The following TTBK2 variants were observed in gnomAD, a reference collection of about 807,000 sequenced individuals.
TTBK2 encodes tau-tubulin kinase 2.
TTBK2 carries 28 observed loss-of-function variants against 110.8 expected under a neutral mutation model. The ratio of observed to expected loss-of-function variants is 0.25; its 90% confidence interval spans 0.19 to 0.35. The LOEUF is 0.35. Ranked by LOEUF, TTBK2 falls within the 10% of genes least tolerant of loss-of-function variation. The probability of loss-of-function intolerance (pLI) is 1.00; values close to 1 mark genes in which losing one functional copy is unlikely to be tolerated. For missense variants in TTBK2, 1,369 were observed against 1,500.3 expected, an observed-to-expected ratio of 0.91 and a Z score of 1.45; for synonymous variants, 532 against 527.3, an observed-to-expected ratio of 1.01 and a Z score of -0.12.
At position 42,850,297 on chromosome 15, in the gene TTBK2, C is replaced by T. The variant is rs141712859; in HGVS notation, c.218-9864G>A. Reference sequence around the variant, plus strand: ...TGAGTCAGAACTAGAAGACTTCTCTCGACGCATTTTCTGTCCATGTCAATG... The same window carrying T: ...TGAGTCAGAACTAGAAGACTTCTCTTGACGCATTTTCTGTCCATGTCAATG... On this transcript the variant is annotated intron_variant, in intron 3 of 14. Transcript: ENST00000267890. Among the ~76,000 whole-genome samples, 260 of 152,268 alleles carry T rather than the reference C, an allele frequency of 1.7e-3. 1 individual carries two copies. In the Middle Eastern group the frequency reaches 0.041, roughly 24 times the overall value.
rs1894049430 is a variant in TTBK2 at position 42,858,924 on chromosome 15, A to C, written c.217+13687T>G. Among the ~76,000 whole-genome samples, 4 of 152,296 alleles carry C rather than the reference A, an allele frequency of 2.6e-5. No individual in the cohort carries two copies. In the East Asian group the frequency reaches 5.8e-4, roughly 22 times the overall value. The stretch of plus-strand genomic sequence containing the variant: ...TCCAGGAGTTCAACTAGTTTTTTAC[A>C]GTATATATAGGAGAAAAATTCCCTC... On this transcript the variant is annotated intron_variant, in intron 3 of 14. Coordinates refer to ENST00000267890, the MANE Select transcript of TTBK2 (RefSeq NM_173500.4).
chr15:42,849,824 G>C (rs924311275), intron 3 of TTBK2, among the ~76,000 whole-genome samples: 1 of 152,156 alleles, frequency 6.6e-6, no homozygotes, highest in Non-Finnish European at 1.5e-5. Flanking sequence ...ACCCATGCAT[G>C]CACAGATTGG....
At chr15:42,794,573 G>C in intron 10 of TTBK2, 71 bp downstream of exon 10, 6 of 1,605,458 alleles carry the variant, frequency 3.7e-6, no homozygotes, top group Non-Finnish European at 5.1e-6. Flanking sequence ...GAGGGAATCT[G>C]GATGAAGTAA....
At chr15:42,879,816 G>C (rs932978441) in intron 1 of TTBK2, among the ~76,000 whole-genome samples, 1 of 151,874 alleles carries the variant, frequency 6.6e-6, no homozygotes, top group Non-Finnish European at 1.5e-5. Flanking sequence ...AGCCAACATA[G>C]GGAGATCCCG....
At chr15:42,915,535 G>C (rs2031033573) in intron 1 of TTBK2, among the ~76,000 whole-genome samples, 1 of 152,168 alleles carries the variant, frequency 6.6e-6, no homozygotes, top group Non-Finnish European at 1.5e-5. Flanking sequence ...ATAGGGTAAG[G>C]TACTATCTGA....
At position 42,751,981 on chromosome 15, in the gene TTBK2, C is replaced by A; in HGVS notation, c.3265G>T (p.Glu1089Ter). 2 of 1,614,114 alleles carry A rather than the reference C, an allele frequency of 1.2e-6. No individual in the cohort carries two copies. Among genetic ancestry groups the A allele is most frequent in the South Asian group, 2.2e-5 (2 of 91,064 alleles). ...PGKPPTRPGV[E>*]ARLRRYKVLG... ...GAGAGCACACAGCATTACCTGGCTT[C>A]TACTCCAGGCCTCGTGGGTGGCTTT... Residue 1089 changes from glutamate to a stop codon, truncating the protein, a stop_gained, in exon 14 of 15, where the codon GAA (glutamate) becomes TAA (stop). Transcript: ENST00000267890. LOFTEE classifies it high-confidence loss of function.
chr15:42,889,687 T>C (rs746876033), intron 1 of TTBK2, among the ~76,000 whole-genome samples: 1 of 152,132 alleles, frequency 6.6e-6, no homozygotes, highest in Non-Finnish European at 1.5e-5. Flanking sequence ...TTCCGTTTAG[T>C]TTCTCAATTG....
chr15:42,903,693 C>T (rs2030204902), intron 1 of TTBK2, among the ~76,000 whole-genome samples: 1 of 152,184 alleles, frequency 6.6e-6, no homozygotes, highest in Non-Finnish European at 1.5e-5. Context: ...CTAAAAATGG[C>T]TCTCAATGAC....
chr15:42,873,571 C>T (rs192801065), intron 2 of TTBK2, among the ~76,000 whole-genome samples: 14 of 152,240 alleles, frequency 9.2e-5, no homozygotes, highest in Admixed American at 8.5e-4. Flanking sequence ...ATTCACTATA[C>T]ATCTATTTAT....
chr15:42,869,968 G>A (rs1028138514), intron 3 of TTBK2, among the ~76,000 whole-genome samples: 27 of 151,988 alleles, frequency 1.8e-4, no homozygotes, highest in African/African-American at 6.5e-4. Flanking sequence ...TCTGAAGTCT[G>A]GAGTTACTCG....
chr15:42,815,827 A>C (rs1357911389), intron 7 of TTBK2, among the ~76,000 whole-genome samples: 1 of 139,496 alleles, frequency 7.2e-6, no homozygotes, highest in Non-Finnish European at 1.5e-5. Context: ...AATAGTACAC[A>C]GATGTTCAAT....
intron 1 of TTBK2, among the ~76,000 whole-genome samples, chr15:42,917,199 C>G (rs542379860): frequency 6.6e-6 from 1 of 151,700 alleles, no homozygotes; most frequent in East Asian, 1.9e-4. Context: ...TATAAACACT[C>G]CAAAACACCA....
chr15:42,802,094 C>T (rs747462243), intron 9 of TTBK2: 1 of 1,457,208 alleles, frequency 6.9e-7, no homozygotes. Context: ...CGTACCTTGT[C>T]TATGAAGGAG....
intron 1 of TTBK2, among the ~76,000 whole-genome samples, chr15:42,880,885 C>T (rs1895011221): frequency 6.6e-6 from 1 of 151,770 alleles, no homozygotes; most frequent in Non-Finnish European, 1.5e-5. Flanking sequence ...TAATCTACTG[C>T]AATCTGTTCC....
At chr15:42,787,297 C>T (rs529522498) in intron 10 of TTBK2, among the ~76,000 whole-genome samples, 3 of 152,270 alleles carry the variant, frequency 2.0e-5, no homozygotes, top group East Asian at 1.9e-4. Flanking sequence ...TGATTTAAAG[C>T]GTCCTCTTAC....
chr15:42,902,999 A>AAAG (rs1567086757), intron 1 of TTBK2, among the ~76,000 whole-genome samples: 21 of 151,830 alleles, frequency 1.4e-4, no homozygotes, highest in African/African-American at 5.1e-4. Flanking sequence ...AAAAAAAAAA[A>AAAG]AAAGAAAGAA....
chr15:42,828,083 T>A, intron 5 of TTBK2, 51 bp from the exon 6 acceptor site: 1 of 1,380,852 alleles, frequency 7.2e-7, no homozygotes, highest in Non-Finnish European at 1.0e-6. Context: ...ACTTAGTCCT[T>A]ACATTTTATC....
intron 10 of TTBK2, among the ~76,000 whole-genome samples, chr15:42,788,606 C>G (rs1890510505): frequency 6.6e-6 from 1 of 152,156 alleles, no homozygotes; most frequent in Admixed American, 6.5e-5. Context: ...TTGTATCCCA[C>G]TTGTGAATTG....
At chr15:42,855,833 C>G (rs1039715167) in intron 3 of TTBK2, among the ~76,000 whole-genome samples, 1 of 152,108 alleles carries the variant, frequency 6.6e-6, no homozygotes, top group Non-Finnish European at 1.5e-5. Context: ...TACAGGCGCC[C>G]GCCACCTCGC....
Sources: gnomAD v4.1 joint callset for allele counts (sites outside exome capture counted in the v4.1 genomes callset) on GRCh38, gnomAD v4.1.1 for gene constraint, MANE v1.5 for transcripts, NCBI Gene and HGNC (gene_info 2026-07-23, HGNC 2026-07-21) for gene names.